The following SGCD variants were observed in gnomAD, a reference collection of about 807,000 sequenced individuals.
The protein encoded by SGCD is delta-sarcoglycan.
Under a neutral mutation model 36.6 loss-of-function variants are expected in SGCD, and 18 were observed. The observed-to-expected ratio is 0.49, with a 90% CI of 0.34 to 0.73. The LOEUF (loss-of-function observed/expected upper bound fraction) is 0.73. SGCD is among the 30% of genes least tolerant of loss of function. The pLI is 0.01. For missense variants in SGCD, 387 were observed against 346.7 expected (o/e 1.12, Z -0.92); for synonymous variants, 133 against 130.6 (o/e 1.02, Z -0.12).
chr5:155,939,048 T>C (rs1165388248), intron 1 of SGCD, among the ~76,000 whole-genome samples: 2 of 152,204 alleles, frequency 1.3e-5, no homozygotes, highest in African/African-American at 4.8e-5. Context: ...AATTGGCAGT[T>C]ACCAGGGACT....
At chr5:155,738,500 T>C in the SGCD span, among the ~76,000 whole-genome samples, 1 of 152,212 alleles carries the variant, frequency 6.6e-6, no homozygotes, top group African/African-American at 2.4e-5. Flanking sequence ...TATGCTTCCA[T>C]TGAGCTGCCT....
At chr5:156,547,787 C>G (rs1357139157) in intron 4 of SGCD, among the ~76,000 whole-genome samples, 1 of 152,114 alleles carries the variant, frequency 6.6e-6, no homozygotes, top group Non-Finnish European at 1.5e-5. Context: ...GTCTCGAGGA[C>G]TGAGGCTTGT....
chr5:156,458,596 C>A, intron 3 of SGCD: 1 of 727,728 alleles, frequency 1.4e-6, no homozygotes, highest in South Asian at 1.8e-5. Flanking sequence ...ATCTCTAAAC[C>A]TCAGATTTTT....
chr5:155,828,317 T>G, the SGCD span, among the ~76,000 whole-genome samples: 1 of 152,174 alleles, frequency 6.6e-6, no homozygotes, highest in Non-Finnish European at 1.5e-5. Context: ...CTATTTGTGG[T>G]AAAGCCAGAA....
At chr5:156,188,106 T>C (rs1763806260) in intron 3 of SGCD, among the ~76,000 whole-genome samples, 1 of 152,192 alleles carries the variant, frequency 6.6e-6, no homozygotes, top group East Asian at 1.9e-4. Context: ...CCCAGATGCC[T>C]TATTAGCCTT....
At chr5:156,496,103 G>A (rs768189427) in intron 3 of SGCD, among the ~76,000 whole-genome samples, 1 of 152,134 alleles carries the variant, frequency 6.6e-6, no homozygotes, top group Non-Finnish European at 1.5e-5. Flanking sequence ...ACCTACATGA[G>A]TTGTTGTCCA....
At chr5:156,435,244 G>T (rs1753193370) in intron 3 of SGCD, among the ~76,000 whole-genome samples, 3 of 152,278 alleles carry the variant, frequency 2.0e-5, no homozygotes, top group Middle Eastern at 3.4e-3. Flanking sequence ...CTTGCTCAGG[G>T]CTACACAGCT....
chr5:156,273,209 C>T (rs1766225186), intron 3 of SGCD, among the ~76,000 whole-genome samples: 1 of 152,138 alleles, frequency 6.6e-6, no homozygotes, highest in Non-Finnish European at 1.5e-5. Context: ...ATTACAAGCC[C>T]CAGGGCCCCT....
intron 3 of SGCD, among the ~76,000 whole-genome samples, chr5:156,200,936 G>A (rs1220773629): frequency 6.6e-6 from 1 of 152,150 alleles, no homozygotes; most frequent in African/African-American, 2.4e-5. Context: ...CCTCTTACAT[G>A]TGTTGTAATA....
At chr5:156,423,245 TATA>T (rs1161056860) in intron 3 of SGCD, among the ~76,000 whole-genome samples, 4 of 69,980 alleles carry the variant, frequency 5.7e-5, no homozygotes, top group African/African-American at 1.5e-4. Context: ...TATTATATTT[TATA>T]ATATTATATT....
intron 6 of SGCD, among the ~76,000 whole-genome samples, chr5:156,611,505 G>C (rs1031827687): frequency 7.9e-5 from 12 of 152,078 alleles, no homozygotes; most frequent in African/African-American, 2.7e-4. Context: ...TCTTATTTAT[G>C]ACTTGACACA....
At chr5:155,812,377 C>T in the SGCD span, among the ~76,000 whole-genome samples, 5 of 152,222 alleles carry the variant, frequency 3.3e-5, no homozygotes, top group African/African-American at 4.8e-5. Flanking sequence ...AAGCACATCA[C>T]GCGCTGTTGG....
At chr5:156,116,370 A>G (rs568135135) in intron 1 of SGCD, among the ~76,000 whole-genome samples, 12 of 152,260 alleles carry the variant, frequency 7.9e-5, no homozygotes, top group Admixed American at 2.6e-4. Flanking sequence ...CCAAGCTCAC[A>G]GACTATGCAC....
At chr5:156,412,822 T>G (rs1179810231) in intron 3 of SGCD, among the ~76,000 whole-genome samples, 4 of 137,062 alleles carry the variant, frequency 2.9e-5, no homozygotes, top group African/African-American at 1.1e-4. Flanking sequence ...GGAGTCTCGC[T>G]CTGTCGCCCA....
intron 1 of SGCD, among the ~76,000 whole-genome samples, chr5:156,017,763 TCTTCA>T (rs769105622): frequency 2.0e-5 from 3 of 152,184 alleles, no homozygotes; most frequent in Admixed American, 6.5e-5. Context: ...TTATATATTT[TCTTCA>T]CTTATTGCAT....
At chr5:156,645,018 A>G (rs1561834732) in intron 6 of SGCD, among the ~76,000 whole-genome samples, 1 of 151,926 alleles carries the variant, frequency 6.6e-6, no homozygotes, top group Non-Finnish European at 1.5e-5. Context: ...AGAACACTTT[A>G]GATAGATCCT....
chr5:156,655,814 T>A (rs1055043661), intron 7 of SGCD, among the ~76,000 whole-genome samples: 4 of 152,144 alleles, frequency 2.6e-5, no homozygotes, highest in Non-Finnish European at 4.4e-5. Flanking sequence ...ATTCACTGTT[T>A]TTTTTTCCCT....
At chr5:156,400,464 A>G (rs1231482140) in intron 3 of SGCD, among the ~76,000 whole-genome samples, 1 of 152,220 alleles carries the variant, frequency 6.6e-6, no homozygotes, top group Non-Finnish European at 1.5e-5. Context: ...ATCTGGACAG[A>G]TAACTACTGA....
At chr5:155,839,800 T>C in the SGCD span, among the ~76,000 whole-genome samples, 5 of 152,106 alleles carry the variant, frequency 3.3e-5, no homozygotes, top group East Asian at 1.9e-4. Context: ...ACTATTCCAA[T>C]AGACTTGAAT....
Sources: allele counts gnomAD v4.1 joint callset (sites outside exome capture counted in the v4.1 genomes callset), GRCh38; gene constraint gnomAD v4.1.1; transcripts MANE v1.5; gene names NCBI Gene and HGNC (gene_info 2026-07-23, HGNC 2026-07-21).